CELF2: variants seen among roughly 807,000 people sequenced by gnomAD.
The protein encoded by CELF2 is CUGBP Elav-like family member 2.
A neutral mutation model predicts 62.6 loss-of-function variants in CELF2; 8 were observed. The ratio of observed to expected loss-of-function variants is 0.13; its 90% CI spans 0.07 to 0.23. The LOEUF (loss-of-function observed/expected upper bound fraction) is 0.23. CELF2 is among the 10% of genes least tolerant of loss of function. The pLI is 1.00. For missense variants in CELF2, 333 were observed against 671.0 expected (o/e 0.50, Z 5.56); for synonymous variants, 258 against 250.0 (o/e 1.03, Z -0.30).
At chr10:10,508,591 C>T in the CELF2 span, among the ~76,000 whole-genome samples, 1 of 151,952 alleles carries the variant, frequency 6.6e-6, no homozygotes, top group Non-Finnish European at 1.5e-5. Flanking sequence ...GTCAGTTAGG[C>T]ATACTGGTTG....
intron 1 of CELF2, among the ~76,000 whole-genome samples, chr10:10,801,639 C>T (rs186931713): frequency 1.3e-5 from 2 of 152,232 alleles, no homozygotes; most frequent in East Asian, 3.9e-4. Context: ...TTACTGTCCT[C>T]ATCTGATTAA....
intron 1 of CELF2, among the ~76,000 whole-genome samples, chr10:10,801,165 G>C (rs1220379400): frequency 6.6e-6 from 1 of 152,076 alleles, no homozygotes; most frequent in African/African-American, 2.4e-5. Flanking sequence ...TGAAGTTTCA[G>C]AAACTTGGAC....
the CELF2 span, among the ~76,000 whole-genome samples, chr10:10,678,651 G>A: frequency 6.6e-6 from 1 of 152,304 alleles, no homozygotes; most frequent in South Asian, 2.1e-4. Flanking sequence ...GTGAGTGAAG[G>A]AGATTGACTG....
chr10:10,507,851 G>A, the CELF2 span, among the ~76,000 whole-genome samples: 1 of 152,180 alleles, frequency 6.6e-6, no homozygotes, highest in African/African-American at 2.4e-5. Flanking sequence ...GTGATCAGAT[G>A]TGATCTTTAA....
At chr10:11,258,750 G>A (rs565236814) in intron 5 of CELF2, among the ~76,000 whole-genome samples, 3 of 152,302 alleles carry the variant, frequency 2.0e-5, no homozygotes, top group Admixed American at 1.3e-4. Context: ...GCAGTGGCGC[G>A]ATCTCAGCTC....
the CELF2 span, among the ~76,000 whole-genome samples, chr10:10,769,764 C>CAAA: frequency 3.3e-5 from 5 of 151,010 alleles, no homozygotes; most frequent in Non-Finnish European, 4.4e-5. Flanking sequence ...ACTCCAACTC[C>CAAA]AAAAAATAAT....
the CELF2 span, among the ~76,000 whole-genome samples, chr10:10,570,712 A>T: frequency 6.6e-6 from 1 of 152,162 alleles, no homozygotes; most frequent in Admixed American, 6.6e-5. Flanking sequence ...GCAAGTGGGA[A>T]GATAGTACTG....
chr10:11,066,413 C>A (rs576691684), intron 1 of CELF2, among the ~76,000 whole-genome samples: 2 of 152,004 alleles, frequency 1.3e-5, no homozygotes, highest in African/African-American at 4.8e-5. Context: ...TCATCACCTT[C>A]ATTTTATAGG....
At position 11,249,135 on chromosome 10, in the gene CELF2, T is replaced by C; in HGVS notation, c.355-18T>C. The C allele has an allele frequency of 6.2e-7, 1 of 1,609,290 alleles. No individual in the cohort carries two copies. Among genetic ancestry groups the C allele is most frequent in the Middle Eastern group, 1.7e-4 (1 of 6,054 alleles). ...AGTTGTTCAATCTGCCTTTACTTTCTCCCTTTTGTGTTTTTAGATGCATCA... is the reference window on the plus strand; with the variant it reads ...AGTTGTTCAATCTGCCTTTACTTTCCCCCTTTTGTGTTTTTAGATGCATCA... On this transcript the variant is annotated intron_variant, in intron 3 of 12. Coordinates refer to ENST00000633077, the MANE Select transcript of CELF2 (RefSeq NM_001326342.2).
intron 2 of CELF2, among the ~76,000 whole-genome samples, chr10:10,971,144 A>G (rs1199589417): frequency 1.3e-5 from 2 of 152,006 alleles, no homozygotes; most frequent in African/African-American, 4.8e-5. Context: ...TCCTTGTCAT[A>G]TCTGCTTCTC....
In CELF2 at chr10:11,335,632, C is replaced by T. The variant is rs2096105534; in HGVS notation, c.*6579C>T. The T allele has an allele frequency of 6.6e-6, 1 of 152,098 alleles. No homozygotes were observed. Among genetic ancestry groups the T allele is most frequent in the South Asian group, 2.1e-4 (1 of 4,822 alleles). 9.4% of individuals were successfully genotyped at this position (152,098 alleles called of 1,614,324 possible). Reference sequence around the variant, plus strand: ...ACTTCTGCTTTCAGTCTCCTCATAGCCTTCGGCAGTCTCCTCTGAAAACAC... The same window carrying T: ...ACTTCTGCTTTCAGTCTCCTCATAGTCTTCGGCAGTCTCCTCTGAAAACAC... On this transcript the variant is annotated 3_prime_UTR_variant, in exon 13 of 13. Coordinates refer to ENST00000633077, the MANE Select transcript of CELF2 (RefSeq NM_001326342.2). This position sits in a 1 kb window ranked among gnomAD's most constrained non-coding sequence, Gnocchi z 5.0.
At chr10:10,722,129 C>A in the CELF2 span, among the ~76,000 whole-genome samples, 1 of 151,430 alleles carries the variant, frequency 6.6e-6, no homozygotes, top group African/African-American at 2.4e-5. Flanking sequence ...AGCAAGATCC[C>A]AACTCTACAA....
intron 10 of CELF2, among the ~76,000 whole-genome samples, chr10:11,320,333 C>T (rs1414164731): frequency 1.3e-5 from 2 of 152,204 alleles, no homozygotes; most frequent in Non-Finnish European, 2.9e-5. Context: ...AGGTCCAGCC[C>T]ATAGACACAC....
At chr10:11,035,169 C>A (rs1369756288) in intron 1 of CELF2, among the ~76,000 whole-genome samples, 1 of 152,086 alleles carries the variant, frequency 6.6e-6, no homozygotes, top group Non-Finnish European at 1.5e-5. Flanking sequence ...CAAACTTTTC[C>A]ACCAAAATGG....
chr10:10,525,957 C>G, the CELF2 span, among the ~76,000 whole-genome samples: 1 of 152,312 alleles, frequency 6.6e-6, no homozygotes, highest in South Asian at 2.1e-4. Flanking sequence ...TATACAATGG[C>G]TCTCTTGATT....
chr10:10,617,583 G>A, the CELF2 span, among the ~76,000 whole-genome samples: 1 of 151,862 alleles, frequency 6.6e-6, no homozygotes, highest in Non-Finnish European at 1.5e-5. Context: ...TGCTTAACCT[G>A]GGCTCTTAAC....
the CELF2 span, among the ~76,000 whole-genome samples, chr10:10,776,850 C>T: frequency 5.3e-5 from 8 of 152,358 alleles, no homozygotes; most frequent in Non-Finnish European, 1.2e-4. Context: ...CATTGGCCAG[C>T]GGCCACTTGG....
chr10:11,244,624 C>T lies in CELF2; in HGVS notation c.355-4529C>T, dbSNP rs1384683451. On this transcript the variant is annotated intron_variant, in intron 3 of 12. Coordinates refer to ENST00000633077, the MANE Select transcript of CELF2 (RefSeq NM_001326342.2). This position sits in a 1 kb window ranked among gnomAD's most constrained non-coding sequence, Gnocchi z 4.2. ...GAGCCGAGATCATGCCACTGCACTC[C>T]ATCCAGCCTAGGTGACAGAGCAAGA... Among the ~76,000 whole-genome samples, 2 of 148,600 alleles carry T rather than the reference C, an allele frequency of 1.3e-5. No homozygotes were observed. Among genetic ancestry groups the T allele is most frequent in the Non-Finnish European group, 3.0e-5 (2 of 67,526 alleles).
At position 11,302,864 on chromosome 10, in the gene CELF2, A is replaced by C. The variant is rs2140219966; in HGVS notation, c.977-11275A>C. Among the ~76,000 whole-genome samples, 1 of 152,190 alleles carries C rather than the reference A, an allele frequency of 6.6e-6. No homozygotes were observed. The highest frequency in any genetic ancestry group is 1.9e-4 in the East Asian group (1 of 5,200). ...CTTCACCAGAGTTCTGCCTGGAAGC[A>C]TTAGAATCCTGCCTTCCCGGAGTCC... On this transcript the variant is annotated intron_variant, in intron 9 of 12. Coordinates refer to ENST00000633077, the MANE Select transcript of CELF2 (RefSeq NM_001326342.2). The surrounding 1 kb of genome is among the most constrained non-coding windows in gnomAD (Gnocchi z 5.0).
Sources: gnomAD v4.1 joint callset for allele counts (sites outside exome capture counted in the v4.1 genomes callset) on GRCh38, gnomAD v4.1.1 for gene constraint, Gnocchi (gnomAD v3.1) non-coding constraint, MANE v1.5 for transcripts, NCBI Gene and HGNC (gene_info 2026-07-23, HGNC 2026-07-21) for gene names.